CNGB3: variants seen among roughly 807,000 people sequenced by gnomAD.
CNGB3 encodes the protein cyclic nucleotide-gated channel beta-3.
CNGB3 carries 86 observed loss-of-function variants against 92.8 expected under a neutral mutation model. The observed-to-expected ratio is 0.93, with a 90% CI of 0.78 to 1.11. The LOEUF (loss-of-function observed/expected upper bound fraction) is 1.11. CNGB3 is among the 50% of genes least tolerant of loss of function. The pLI is 0.00. For missense variants in CNGB3, 1,026 were observed against 956.8 expected (o/e 1.07, Z -0.95); for synonymous variants, 333 against 332.7 (o/e 1.00, Z -0.01).
At chr8:86,606,007 C>T (rs925746645) in intron 14 of CNGB3, among the ~76,000 whole-genome samples, 13 of 152,172 alleles carry the variant, frequency 8.5e-5, no homozygotes, top group South Asian at 4.2e-4. Flanking sequence ...TTGGCTTAGC[C>T]AATTAGCTAA....
At chr8:86,624,427 T>C (rs1822804194) in intron 13 of CNGB3, among the ~76,000 whole-genome samples, 1 of 151,966 alleles carries the variant, frequency 6.6e-6, no homozygotes, top group African/African-American at 2.4e-5. Flanking sequence ...TCTAAATAAA[T>C]AAATAAATAA....
At chr8:86,615,133 A>C (rs1026716674) in intron 13 of CNGB3, among the ~76,000 whole-genome samples, 1 of 152,174 alleles carries the variant, frequency 6.6e-6, no homozygotes, top group Non-Finnish European at 1.5e-5. Flanking sequence ...GTGATATGCA[A>C]ATACTATGCC....
intron 10 of CNGB3, among the ~76,000 whole-genome samples, chr8:86,642,205 A>G (rs1266139989): frequency 6.6e-6 from 1 of 151,752 alleles, no homozygotes; most frequent in African/African-American, 2.4e-5. Flanking sequence ...ATTCTGATGC[A>G]ATCCTATATT....
intron 6 of CNGB3, 89 bp downstream of exon 6, chr8:86,666,836 A>G: frequency 1.9e-6 from 2 of 1,051,312 alleles, no homozygotes; most frequent in Non-Finnish European, 2.9e-6. Context: ...TAGCCAGTCA[A>G]ACATTAAATA....
chr8:86,668,096 C>T lies in CNGB3; in HGVS notation c.566G>A (p.Trp189Ter), dbSNP rs1458192795. ...KPTEHYYRLLWFKVKKMPLTE... is the reference protein window; with the variant it reads ...KPTEHYYRLL ...TAAAGGCATCTTTTTGACTTTGAAC[C>T]ACAACAGCCTGTAGTAATGTTCTGT... Residue 189 changes from tryptophan (W) to a stop codon, truncating the protein, a stop_gained, in exon 5 of 18, where the codon TGG becomes TAG. Transcript: ENST00000320005. LOFTEE classifies it high-confidence loss of function. The T allele has an allele frequency of 1.2e-6, 2 of 1,613,586 alleles. No homozygotes were observed. Among genetic ancestry groups the T allele is most frequent in the Non-Finnish European group, 8.5e-7 (1 of 1,179,888 alleles).
At position 86,632,766 on chromosome 8, in the gene CNGB3, T is replaced by G. The variant is rs748354081; in HGVS notation, c.1306A>C (p.Ser436Arg). Residue 436 changes from serine (S) to arginine (R), a missense_variant, in exon 11 of 18, where the codon AGT becomes CGT. By Grantham distance (110) the Ser-to-Arg change is moderately radical (BLOSUM62 -1). Transcript: ENST00000320005. The stretch of plus-strand genomic sequence containing the variant: ...ACTCAGCTTACCTGACCAATTAAAC[T>G]GGAGAACACAAAAACTCCAGAAAAA... ...NFFSGVFVFSSLIGQMRDVIG... is the reference protein window; with the variant it reads ...NFFSGVFVFSRLIGQMRDVIG... 6.2e-7 allele frequency: 1 copy of G among 1,613,028 alleles called. No homozygotes were observed. The highest frequency in any genetic ancestry group is 8.5e-7 in the Non-Finnish European group (1 of 1,179,792).
intron 13 of CNGB3, among the ~76,000 whole-genome samples, chr8:86,617,085 G>A (rs937493142): frequency 6.6e-6 from 1 of 152,170 alleles, no homozygotes; most frequent in African/African-American, 2.4e-5. Flanking sequence ...ATTTGAATGA[G>A]GATATTAGAG....
At chr8:86,710,275 CT>C (rs1416640097) in intron 3 of CNGB3, among the ~76,000 whole-genome samples, 27 of 152,162 alleles carry the variant, frequency 1.8e-4, no homozygotes, top group Non-Finnish European at 3.5e-4. Context: ...TTTCCCATGC[CT>C]GAAGTTATCT....
At chr8:86,698,579 A>G (rs999718376) in intron 3 of CNGB3, among the ~76,000 whole-genome samples, 2 of 152,228 alleles carry the variant, frequency 1.3e-5, no homozygotes, top group Non-Finnish European at 2.9e-5. Context: ...TCCCACAATT[A>G]GAATCAGGCT....
chr8:86,726,224 T>A (rs896092455), intron 3 of CNGB3, among the ~76,000 whole-genome samples: 1 of 152,244 alleles, frequency 6.6e-6, no homozygotes, highest in Admixed American at 6.5e-5. Context: ...TCATGCCTAG[T>A]AAATATATAG....
At chr8:86,696,660 A>AT (rs1375144002) in intron 3 of CNGB3, among the ~76,000 whole-genome samples, 1 of 152,156 alleles carries the variant, frequency 6.6e-6, no homozygotes, top group Non-Finnish European at 1.5e-5. Flanking sequence ...TGACACCTTT[A>AT]TCATTATATA....
chr8:86,683,242 C>G (rs966903676), intron 3 of CNGB3, among the ~76,000 whole-genome samples: 1 of 152,108 alleles, frequency 6.6e-6, no homozygotes, highest in Admixed American at 6.6e-5. Flanking sequence ...AAGAGATACT[C>G]TGAGTGCCAA....
intron 3 of CNGB3, among the ~76,000 whole-genome samples, chr8:86,688,752 A>T (rs1341302724): frequency 6.6e-6 from 1 of 151,298 alleles, no homozygotes; most frequent in East Asian, 1.9e-4. Context: ...ATCTTTTTTT[A>T]AAAAACCAAC....
chr8:86,599,716 C>T (rs1822250610), intron 15 of CNGB3, among the ~76,000 whole-genome samples: 1 of 152,182 alleles, frequency 6.6e-6, no homozygotes, highest in South Asian at 2.1e-4. Flanking sequence ...AAAATTCCCA[C>T]CTAATAAATT....
Position 86,643,826 on chromosome 8 carries a change from G to A in CNGB3, c.1103C>T (p.Ala368Val). Residue 368 changes from alanine (A) to valine (V), a missense_variant, in exon 10 of 18, where the codon GCC becomes GTC. Transcript: ENST00000320005. ...GTTTGAAGCCCAGTAATAAACACAG[G>A]CATTAATGTGCAGAATAAACAGCAA... ...GYLLFILHIN[A>V]CVYYWASNYE... 2 of 1,606,350 alleles carry A rather than the reference G, an allele frequency of 1.2e-6. No individual in the cohort carries two copies. The highest frequency in any genetic ancestry group is 1.1e-5 in the South Asian group (1 of 90,854).
chr8:86,691,128 T>C (rs1824303964), intron 3 of CNGB3, among the ~76,000 whole-genome samples: 1 of 152,170 alleles, frequency 6.6e-6, no homozygotes, highest in Admixed American at 6.5e-5. Flanking sequence ...GTTTTGTTTT[T>C]GCACCTGTTG....
intron 14 of CNGB3, among the ~76,000 whole-genome samples, chr8:86,606,906 C>A (rs1296834690): frequency 6.6e-6 from 1 of 152,162 alleles, no homozygotes; most frequent in Non-Finnish European, 1.5e-5. Flanking sequence ...AATATCAGAA[C>A]TGATCTCTTA....
At chr8:86,627,730 A>G (rs1822876057) in intron 12 of CNGB3, among the ~76,000 whole-genome samples, 1 of 152,224 alleles carries the variant, frequency 6.6e-6, no homozygotes, top group Non-Finnish European at 1.5e-5. Context: ...ACCATTAATT[A>G]TTTAGCACCT....
intron 13 of CNGB3, among the ~76,000 whole-genome samples, chr8:86,624,115 G>A (rs1262107274): frequency 6.6e-6 from 1 of 152,222 alleles, no homozygotes; most frequent in Non-Finnish European, 1.5e-5. Flanking sequence ...GCAACTCAGA[G>A]TATAATTTAC....
Sources: allele counts gnomAD v4.1 joint callset (sites outside exome capture counted in the v4.1 genomes callset), GRCh38; gene constraint gnomAD v4.1.1; transcripts MANE v1.5; gene names NCBI Gene and HGNC (gene_info 2026-07-23, HGNC 2026-07-21).